Variants in AJAP1 observed in about 807,000 individuals in gnomAD.
The protein encoded by AJAP1 is adherens junctions associated protein 1.
A neutral mutation model predicts 35.0 loss-of-function variants in AJAP1; 5 were observed. That is an observed-to-expected ratio of 0.14 (90% CI 0.07 to 0.30). AJAP1 has a LOEUF of 0.30. AJAP1 is among the 10% of genes least tolerant of loss of function. The pLI is 1.00. For synonymous variants in AJAP1, 284 were observed against 249.3 expected, an observed-to-expected ratio of 1.14 and a Z score of -1.31; for missense variants, 586 against 571.0, an observed-to-expected ratio of 1.03 and a Z score of -0.27.
At chr1:4,713,984 GT>G (rs371973915) in intron 2 of AJAP1, among the ~76,000 whole-genome samples, 90 of 152,298 alleles carry the variant, frequency 5.9e-4, no homozygotes, top group African/African-American at 2.0e-3. Context: ...CCTGGCCCTG[GT>G]TCCTCCTCAT....
chr1:4,697,219 A>G (rs758150623), intron 1 of AJAP1, among the ~76,000 whole-genome samples: 1 of 152,130 alleles, frequency 6.6e-6, no homozygotes, highest in Non-Finnish European at 1.5e-5. Context: ...GCATGCCTGC[A>G]TTTGTGTGTC....
chr1:4,668,200 T>G (rs1240278621), intron 1 of AJAP1, among the ~76,000 whole-genome samples: 1 of 98,848 alleles, frequency 1.0e-5, no homozygotes, highest in African/African-American at 4.2e-5. Context: ...GGTGACAGAG[T>G]GAAACTCTAT....
rs36004956 is a variant in AJAP1 at position 4,783,521 on chromosome 1, G to GTATATATA, written c.*1052_*1059dup. 2 of 120,420 alleles carry GTATATATA rather than the reference G, an allele frequency of 1.7e-5. No homozygotes were observed. Among genetic ancestry groups the GTATATATA allele is most frequent in the African/African-American group, 6.3e-5 (2 of 31,650 alleles). The allele number at this position is 120,420 out of a possible 1,614,324, so 7.5% of individuals were successfully genotyped here. ...TATATATATATATATGTTTGTGTGT[G>GTATATATA]TATATATATATATATATATATATGT... On this transcript the variant is annotated 3_prime_UTR_variant, in exon 6 of 6. Coordinates refer to ENST00000378191, the MANE Select transcript of AJAP1 (RefSeq NM_018836.4).
In AJAP1 at chr1:4,692,255, A is replaced by T. The variant is rs1639757357; in HGVS notation, c.30-19645A>T. Reference sequence around the variant, plus strand: ...CTGCCTCCCGCCGCTGCCTCCCGCCACCAGGACAGGGTTGTCAGGGCTTCT... The same window carrying T: ...CTGCCTCCCGCCGCTGCCTCCCGCCTCCAGGACAGGGTTGTCAGGGCTTCT... On this transcript the variant is annotated intron_variant, in intron 1 of 5. Transcript: ENST00000378191. This position sits in a 1 kb window ranked among gnomAD's most constrained non-coding sequence, Gnocchi z 4.4. 6.6e-6 allele frequency among the ~76,000 whole-genome samples: 1 copy of T among 151,998 alleles called. No individual in the cohort carries two copies. The highest frequency in any genetic ancestry group is 2.1e-4 in the South Asian group (1 of 4,794).
Position 4,787,867 on chromosome 1 carries a change from C to T in AJAP1, c.*5382C>T, listed in dbSNP as rs1001049685. On this transcript the variant is annotated 3_prime_UTR_variant, in exon 6 of 6. Coordinates refer to ENST00000378191, the MANE Select transcript of AJAP1 (RefSeq NM_018836.4). ...CCAGAAGCTCCCCCAGCACTGAGCT[C>T]ACTTAGTGGCATCCTTCTTAAACAG... is the stretch of plus-strand genomic sequence containing the variant. The T allele has an allele frequency of 4.9e-6, 2 of 407,374 alleles. No individual in the cohort carries two copies. Among genetic ancestry groups the T allele is most frequent in the African/African-American group, 2.1e-5 (1 of 48,628 alleles). 25.2% of individuals were successfully genotyped at this position (407,374 alleles called of 1,614,324 possible).
Position 4,654,623 on chromosome 1 carries a change from AGGCGGCTGAGCAGCGCG to A in AJAP1, c.-795_-779del, listed in dbSNP as rs1008619796. 1 of 150,682 alleles carries A rather than the reference AGGCGGCTGAGCAGCGCG, an allele frequency of 6.6e-6. No homozygotes were observed. Among genetic ancestry groups the A allele is most frequent in the Non-Finnish European group, 1.5e-5 (1 of 67,384 alleles). 9.3% of individuals were successfully genotyped at this position (150,682 alleles called of 1,614,324 possible). A position where few individuals can be genotyped will look rare whatever the true frequency, so the allele number is the denominator to read the frequency against. ...CGCGGAGAGGCAGACGCGAGGAGGG[AGGCGGCTGAGCAGCGCG>A]GGCGGCTCTGCGGCGGGCGCGGTGG... On this transcript the variant is annotated 5_prime_UTR_variant, in exon 1 of 6. Coordinates refer to ENST00000378191, the MANE Select transcript of AJAP1 (RefSeq NM_018836.4). The surrounding 1 kb of genome is among the most constrained non-coding windows in gnomAD (Gnocchi z 5.1).
chr1:4,705,607 A>G (rs1346868024), intron 1 of AJAP1, among the ~76,000 whole-genome samples: 2 of 151,050 alleles, frequency 1.3e-5, no homozygotes, highest in South Asian at 4.3e-4. Context: ...TGCCCTGGGT[A>G]CCCTGTATGA....
In AJAP1 at chr1:4,720,199, G is replaced by A. The variant is rs539665776; in HGVS notation, c.829+7500G>A. 6.6e-6 allele frequency among the ~76,000 whole-genome samples: 1 copy of A among 152,336 alleles called. No homozygotes were observed. Among genetic ancestry groups the A allele is most frequent in the Admixed American group, 6.5e-5 (1 of 15,298 alleles). On this transcript the variant is annotated intron_variant, in intron 2 of 5. Coordinates refer to ENST00000378191, the MANE Select transcript of AJAP1 (RefSeq NM_018836.4). This position sits in a 1 kb window ranked among gnomAD's most constrained non-coding sequence, Gnocchi z 4.4. ...TTCAGAGGCAGACGAACGAGTAATG[G>A]ACCCATGTGCCACGTGGTTAGACAT...
intron 1 of AJAP1, among the ~76,000 whole-genome samples, chr1:4,709,432 G>T (rs1024124866): frequency 6.6e-6 from 1 of 151,768 alleles, no homozygotes; most frequent in African/African-American, 2.4e-5. Context: ...GTGAGGTCTG[G>T]TGAGGCCTGG....
intron 2 of AJAP1, among the ~76,000 whole-genome samples, chr1:4,713,888 G>C (rs778989313): frequency 2.6e-5 from 4 of 152,234 alleles, no homozygotes; most frequent in Non-Finnish European, 5.9e-5. Flanking sequence ...GCAGAATCAA[G>C]GGGAGGGAAG....
At chr1:4,657,422 GAGA>G (rs1638905467) in intron 1 of AJAP1, among the ~76,000 whole-genome samples, 1 of 152,172 alleles carries the variant, frequency 6.6e-6, no homozygotes, top group African/African-American at 2.4e-5. Context: ...CTCCTGGCCA[GAGA>G]AGGAGGCCTG....
rs531667862 is a variant in AJAP1 at position 4,681,241 on chromosome 1, C to A, written c.29+25787C>A. On this transcript the variant is annotated intron_variant, in intron 1 of 5. Transcript: ENST00000378191. ...AATGCCCGCAGTGTTTGGTAAAGCC[C>A]TTTGGAAGCCCGTGTTTTCAGCAGC... 4.7e-3 allele frequency among the ~76,000 whole-genome samples: 713 copies of A among 152,336 alleles called. 6 individuals are homozygous for A. Among genetic ancestry groups the A allele is most frequent in the Non-Finnish European group, 5.0e-3 (337 of 68,040 alleles).
At chr1:4,777,336 T>G (rs1641959462) in intron 5 of AJAP1, 1 of 152,236 alleles carries the variant, frequency 6.6e-6, no homozygotes, top group African/African-American at 2.4e-5. Flanking sequence ...ACCATTGTCT[T>G]TCTTCTCAGT....
At chr1:4,762,907 C>T (rs1641602127) in intron 2 of AJAP1, among the ~76,000 whole-genome samples, 1 of 152,168 alleles carries the variant, frequency 6.6e-6, no homozygotes, top group Non-Finnish European at 1.5e-5. Context: ...TGGGGTGACT[C>T]CATGTTATGG....
intron 1 of AJAP1, among the ~76,000 whole-genome samples, chr1:4,706,295 T>C (rs138593954): frequency 1.3e-5 from 2 of 152,222 alleles, no homozygotes; most frequent in Non-Finnish European, 2.9e-5. Flanking sequence ...CTGTGAACTA[T>C]TGATCGTAGA....
In AJAP1 at chr1:4,692,138, GCCGCCTTCTCGAGGGTTAGGAGT is replaced by G. The variant is rs1230461126; in HGVS notation, c.30-19760_30-19738del. On this transcript the variant is annotated intron_variant, in intron 1 of 5. Coordinates refer to ENST00000378191, the MANE Select transcript of AJAP1 (RefSeq NM_018836.4). The surrounding 1 kb of genome is among the most constrained non-coding windows in gnomAD (Gnocchi z 4.4). Reference sequence around the variant, plus strand: ...GTGGATCTATTATCTCTGCATCGTTGCCGCCTTCTCGAGGGTTAGGAGTCAGCCCCGCTTAATAGGTGAGGAAA... The same window carrying G: ...GTGGATCTATTATCTCTGCATCGTTGCAGCCCCGCTTAATAGGTGAGGAAA... Among the ~76,000 whole-genome samples the G allele has an allele frequency of 1.3e-5, 2 of 152,278 alleles. No individual in the cohort carries two copies. The highest frequency in any genetic ancestry group is 6.5e-5 in the Admixed American group (1 of 15,300).
At chr1:4,730,070 T>C (rs919229849) in intron 2 of AJAP1, among the ~76,000 whole-genome samples, 1 of 152,128 alleles carries the variant, frequency 6.6e-6, no homozygotes, top group Non-Finnish European at 1.5e-5. Flanking sequence ...AAACAGGCGT[T>C]CAGTAAGAGG....
intron 5 of AJAP1, among the ~76,000 whole-genome samples, chr1:4,776,544 T>TA (rs888495978): frequency 1.3e-4 from 19 of 151,898 alleles, no homozygotes; most frequent in African/African-American, 3.9e-4. Context: ...GCACTGACTT[T>TA]AAAAAAAATA....
chr1:4,704,095 A>T (rs4654589), intron 1 of AJAP1, among the ~76,000 whole-genome samples: 12,729 of 151,930 alleles, frequency 0.084, 798 homozygotes, highest in East Asian at 0.36. Flanking sequence ...ATTGTGGATA[A>T]TTACCCCCTT....
Sources: gnomAD v4.1 joint callset for allele counts (sites outside exome capture counted in the v4.1 genomes callset) on GRCh38, gnomAD v4.1.1 for gene constraint, Gnocchi (gnomAD v3.1) non-coding constraint, MANE v1.5 for transcripts, NCBI Gene and HGNC (gene_info 2026-07-23, HGNC 2026-07-21) for gene names.